Variants in DLGAP2 observed in about 807,000 individuals in gnomAD.
The protein encoded by DLGAP2 is disks large-associated protein 2.
In DLGAP2, 26 loss-of-function variants were observed where a neutral mutation model predicts 100.3. The observed-to-expected ratio is 0.26, with a 90% CI of 0.19 to 0.36. The LOEUF (loss-of-function observed/expected upper bound fraction) is 0.36, where lower values mean the gene tolerates loss of function less well. Among genes scored for constraint, DLGAP2 ranks in the 10% least tolerant of loss-of-function variants. DLGAP2 has a pLI of 1.00. For synonymous variants in DLGAP2, 886 were observed against 630.1 expected (o/e 1.41, Z -6.08); for missense variants, 1,858 against 1,453.2 (o/e 1.28, Z -4.53).
chr8:1,693,512 A>G (rs1453602946), intron 13 of DLGAP2, among the ~76,000 whole-genome samples: 2 of 152,142 alleles, frequency 1.3e-5, no homozygotes, highest in African/African-American at 4.8e-5. Flanking sequence ...AAACATTTTC[A>G]GTCAAATGCA....
chr8:1,475,620 A>G (rs1403323453), intron 3 of DLGAP2, among the ~76,000 whole-genome samples: 2 of 152,208 alleles, frequency 1.3e-5, no homozygotes, highest in Non-Finnish European at 2.9e-5. Context: ...GTTGACCCCC[A>G]TAATTCAGGA....
Position 1,315,944 on chromosome 8 carries a change from C to A in DLGAP2, c.106+57061C>A, listed in dbSNP as rs866179995. 1.1e-4 allele frequency among the ~76,000 whole-genome samples: 15 copies of A among 136,096 alleles called. No homozygotes were observed. The South Asian group carries it at 3.0e-3, about 27-fold the overall frequency. 89.3% of individuals were successfully genotyped at this position (136,096 alleles called of 152,430 possible). On this transcript the variant is annotated intron_variant, in intron 3 of 14. Transcript: ENST00000637795. ...GTGTGCGAGTGCAGCCTCTCTCCAACAGTGGTCTACACTCGAGAAACTTCG... is the reference window on the plus strand; with the variant it reads ...GTGTGCGAGTGCAGCCTCTCTCCAAAAGTGGTCTACACTCGAGAAACTTCG...
In DLGAP2 at chr8:1,345,089, G is replaced by A. The variant is rs146401523; in HGVS notation, c.106+86206G>A. Among the ~76,000 whole-genome samples the A allele has an allele frequency of 1.1e-4, 16 of 152,280 alleles. No homozygotes were observed. The East Asian group carries it at 1.9e-3, about 18-fold the overall frequency. Reference sequence around the variant, plus strand: ...TGGCCCTTTGCAAAGTTCATGACTCGGGAACAATTAGCTTAGCTGCTTATA... The same window carrying A: ...TGGCCCTTTGCAAAGTTCATGACTCAGGAACAATTAGCTTAGCTGCTTATA... On this transcript the variant is annotated intron_variant, in intron 3 of 14. Transcript: ENST00000637795.
At chr8:1,576,822 A>G (rs184682081) in intron 6 of DLGAP2, among the ~76,000 whole-genome samples, 2 of 152,192 alleles carry the variant, frequency 1.3e-5, no homozygotes, top group South Asian at 2.1e-4. Context: ...CCATTGGTCT[A>G]TATCTCTGTT....
Position 1,106,115 on chromosome 8 carries a change from C to T in DLGAP2, c.74-152736C>T, listed in dbSNP as rs1307435336. Among the ~76,000 whole-genome samples, 406 of 55,734 alleles carry T rather than the reference C, an allele frequency of 7.3e-3. No individual in the cohort carries two copies. The Middle Eastern group carries it at 0.096, about 13-fold the overall frequency. The allele number at this position is 55,734 out of a possible 152,430, so 36.6% of individuals were successfully genotyped here. A position where few individuals can be genotyped will look rare whatever the true frequency, so the allele number is the denominator to read the frequency against. ...GGTTTTGTATTGAAGGGAGCCATTC[C>T]AGGAGGGTTTTCTATTGAGGGGAGC... On this transcript the variant is annotated intron_variant, in intron 2 of 14. Transcript: ENST00000637795.
At chr8:792,321 G>C (rs1795928628) in intron 1 of DLGAP2, among the ~76,000 whole-genome samples, 1 of 152,126 alleles carries the variant, frequency 6.6e-6, no homozygotes, top group Non-Finnish European at 1.5e-5. Flanking sequence ...GATTTTCTAA[G>C]TGGATAAATT....
At chr8:897,871 C>G (rs1404631999) in intron 1 of DLGAP2, among the ~76,000 whole-genome samples, 1 of 152,140 alleles carries the variant, frequency 6.6e-6, no homozygotes, top group Non-Finnish European at 1.5e-5. Flanking sequence ...GTGAGTTTCT[C>G]TGGGGACCAG....
intron 1 of DLGAP2, among the ~76,000 whole-genome samples, chr8:850,179 C>T (rs931398083): frequency 2.6e-5 from 4 of 152,096 alleles, no homozygotes; most frequent in Non-Finnish European, 4.4e-5. Context: ...ATCTCCCCCA[C>T]CTTTGCGTTG....
chr8:935,487 A>G lies in DLGAP2; in HGVS notation c.73+27521A>G, dbSNP rs556457019. Among the ~76,000 whole-genome samples, 4 of 152,364 alleles carry G rather than the reference A, an allele frequency of 2.6e-5. No homozygotes were observed. The South Asian group carries it at 8.3e-4, about 32-fold the overall frequency. The stretch of plus-strand genomic sequence containing the variant: ...TGATATTTTGCATATGTTGGATTAA[A>G]TAAACTATATTAAAATTAATCTCAC... On this transcript the variant is annotated intron_variant, in intron 2 of 14. Transcript: ENST00000637795.
chr8:1,157,328 G>C (rs761966503), intron 2 of DLGAP2, among the ~76,000 whole-genome samples: 129 of 152,294 alleles, frequency 8.5e-4, no homozygotes, highest in Non-Finnish European at 1.7e-3. Context: ...TTCACCGATG[G>C]ATGCACTTCC....
chr8:1,555,499 A>G lies in DLGAP2; in HGVS notation c.1230+5816A>G, dbSNP rs531636255. On this transcript the variant is annotated intron_variant, in intron 5 of 14. Coordinates refer to ENST00000637795, the MANE Select transcript of DLGAP2 (RefSeq NM_001346810.2). Reference sequence around the variant, plus strand: ...TCCCCCCGGCCCCGACTGCCACAGAATCCTCTCCCACCTTGAGTACCGTCA... The same window carrying G: ...TCCCCCCGGCCCCGACTGCCACAGAGTCCTCTCCCACCTTGAGTACCGTCA... 1.4e-3 allele frequency among the ~76,000 whole-genome samples: 213 copies of G among 152,268 alleles called. 1 individual carries two copies. The highest frequency in any genetic ancestry group is 3.8e-3 in the African/African-American group (160 of 41,568).
At chr8:1,502,033 A>G (rs552908009) in intron 4 of DLGAP2, among the ~76,000 whole-genome samples, 4 of 152,370 alleles carry the variant, frequency 2.6e-5, no homozygotes, top group African/African-American at 7.2e-5. Context: ...ACAAGGCCCA[A>G]TGCTTCTGTT....
chr8:866,860 A>G (rs1027024790), intron 1 of DLGAP2, among the ~76,000 whole-genome samples: 1 of 152,166 alleles, frequency 6.6e-6, no homozygotes, highest in Admixed American at 6.5e-5. Flanking sequence ...TGTTGGGAGA[A>G]GCTGCTCAGA....
At chr8:1,524,597 C>T (rs557227370) in intron 4 of DLGAP2, among the ~76,000 whole-genome samples, 280 of 152,270 alleles carry the variant, frequency 1.8e-3, no homozygotes, top group Non-Finnish European at 2.9e-3. Context: ...GTCCTCACAG[C>T]GTCATCCCTC....
chr8:1,209,015 T>C (rs1798051779), intron 2 of DLGAP2, among the ~76,000 whole-genome samples: 1 of 152,036 alleles, frequency 6.6e-6, no homozygotes, highest in Non-Finnish European at 1.5e-5. Context: ...CACAAACAAA[T>C]GGTAACACAT....
chr8:1,702,989 C>G lies in DLGAP2; in HGVS notation c.*1583C>G, dbSNP rs1799614820. 1 of 152,670 alleles carries G rather than the reference C, an allele frequency of 6.6e-6. No homozygotes were observed. Among genetic ancestry groups the G allele is most frequent in the Non-Finnish European group, 1.5e-5 (1 of 68,116 alleles). The allele number at this position is 152,670 out of a possible 1,614,324, so 9.5% of individuals were successfully genotyped here. A position where few individuals can be genotyped will look rare whatever the true frequency, so the allele number is the denominator to read the frequency against. ...CCTTGATTTGCACTTTACAATGTCCCCAGCCCCTCTGCAGCCCGTGGCTGG... is the reference window on the plus strand; with the variant it reads ...CCTTGATTTGCACTTTACAATGTCCGCAGCCCCTCTGCAGCCCGTGGCTGG... On this transcript the variant is annotated 3_prime_UTR_variant, in exon 15 of 15. Transcript: ENST00000637795.
chr8:973,891 G>A lies in DLGAP2; in HGVS notation c.73+65925G>A, dbSNP rs1426409156. On this transcript the variant is annotated intron_variant, in intron 2 of 14. Transcript: ENST00000637795. ...CGGGCCAGGCCTCTTCCCCTCCTCC[G>A]CCACCGCCGCCACCGCCACCGCCGC... Among the ~76,000 whole-genome samples the A allele has an allele frequency of 1.0e-4, 14 of 133,752 alleles. No homozygotes were observed. The East Asian group carries it at 1.2e-3, about 11-fold the overall frequency. 87.7% of individuals were successfully genotyped at this position (133,752 alleles called of 152,430 possible).
At chr8:1,201,542 C>T (rs528447767) in intron 2 of DLGAP2, among the ~76,000 whole-genome samples, 2 of 152,232 alleles carry the variant, frequency 1.3e-5, no homozygotes, top group Non-Finnish European at 2.9e-5. Flanking sequence ...GACATCGCAT[C>T]TCCGGACGGA....
At chr8:747,087 G>A (rs1381586398) in intron 1 of DLGAP2, among the ~76,000 whole-genome samples, 2 of 152,002 alleles carry the variant, frequency 1.3e-5, no homozygotes, top group African/African-American at 4.8e-5. Flanking sequence ...GAGCTGTCCT[G>A]GTTCTCGGGG....
Sources: allele counts gnomAD v4.1 joint callset (sites outside exome capture counted in the v4.1 genomes callset), GRCh38; gene constraint gnomAD v4.1.1; transcripts MANE v1.5; gene names NCBI Gene and HGNC (gene_info 2026-07-23, HGNC 2026-07-21).